Variants in PDIA3 observed in about 807,000 individuals in gnomAD.
PDIA3 encodes protein disulfide-isomerase A3.
A neutral mutation model predicts 56.9 loss-of-function variants in PDIA3; 16 were observed. The observed-to-expected ratio is 0.28, with a 90% confidence interval of 0.19 to 0.43. PDIA3 has a LOEUF of 0.43. PDIA3 is among the 20% of genes least tolerant of loss of function. The pLI, the probability that PDIA3 is intolerant of heterozygous loss-of-function variation, is 1.00. For missense variants in PDIA3, 485 were observed against 621.3 expected, an observed-to-expected ratio of 0.78 and a Z score of 2.33; for synonymous variants, 192 against 216.5, an observed-to-expected ratio of 0.89 and a Z score of 0.99.
At chr15:43,748,913 T>G (rs1197169902) in intron 1 of PDIA3, among the ~76,000 whole-genome samples, 2 of 141,144 alleles carry the variant, frequency 1.4e-5, no homozygotes, top group Admixed American at 1.4e-4. Flanking sequence ...GGATTACAGG[T>G]GCCTGCCACA....
In PDIA3 at chr15:43,769,552, A is replaced by G. The variant is rs776925435; in HGVS notation, c.1172A>G (p.Asn391Ser). The change falls in exon 10 of 13, where the codon AAT becomes AGT. Residue 391 changes from asparagine to serine, a missense_variant. Physicochemically the swap from Asn to Ser is conservative, Grantham distance 46. Transcript: ENST00000300289. ...GCAGAGAATTTTGATGAAATAGTGA[A>G]TAATGAAAATAAAGATGTGCTGATT... ...VVAENFDEIV[N>S]NENKDVLIEF... 16 of 1,612,848 alleles carry G rather than the reference A, an allele frequency of 9.9e-6. No homozygotes were observed. The highest frequency in any genetic ancestry group is 3.3e-4 in the Middle Eastern group (2 of 6,084).
Position 43,754,134 on chromosome 15 carries a change from G to A in PDIA3, c.246+232G>A, listed in dbSNP as rs138326724. ...GTAGTGGCTGGGCGCAATGGCTCAT[G>A]CCTGTAATCCCAGCACTTTGGGAGG... On this transcript the variant is annotated intron_variant, in intron 2 of 12. Transcript: ENST00000300289. Among the ~76,000 whole-genome samples the A allele has an allele frequency of 6.6e-3, 1,009 of 152,290 alleles. 18 individuals are homozygous for A. The highest frequency in any genetic ancestry group is 0.041 in the East Asian group (211 of 5,182).
intron 3 of PDIA3, among the ~76,000 whole-genome samples, chr15:43,759,394 T>C (rs534184549): frequency 3.3e-5 from 5 of 152,330 alleles, no homozygotes; most frequent in African/African-American, 1.2e-4. Flanking sequence ...GTCTATAGAT[T>C]CTTGGAAGCT....
At position 43,757,939 on chromosome 15, in the gene PDIA3, T is replaced by TA. The variant is rs902677769; in HGVS notation, c.364+1186dup. ...CATACCCATTAGGATGGCTACTATT[T>TA]AAAAAAAAAAAAACAACGAAATAGG... On this transcript the variant is annotated intron_variant, in intron 3 of 12. Coordinates refer to ENST00000300289, the MANE Select transcript of PDIA3 (RefSeq NM_005313.5). Among the ~76,000 whole-genome samples, 419 of 139,878 alleles carry TA rather than the reference T, an allele frequency of 3.0e-3. 1 individual carries two copies. Among genetic ancestry groups the TA allele is most frequent in the African/African-American group, 6.6e-3 (251 of 38,038 alleles). The allele number at this position is 139,878 out of a possible 152,430, so 91.8% of individuals were successfully genotyped here. A position where few individuals can be genotyped will look rare whatever the true frequency, so the allele number is the denominator to read the frequency against.
intron 5 of PDIA3, among the ~76,000 whole-genome samples, chr15:43,764,924 C>G (rs967134532): frequency 6.6e-6 from 1 of 152,134 alleles, no homozygotes; most frequent in African/African-American, 2.4e-5. Flanking sequence ...TTTTCTAACC[C>G]AAAATTTAGT....
intron 1 of PDIA3, chr15:43,752,871 T>C (rs570142773): frequency 1.5e-5 from 7 of 471,176 alleles, no homozygotes; most frequent in South Asian, 1.1e-4. Context: ...GATGTACAGC[T>C]GGTGCTAGCT....
rs3742980 is a variant in PDIA3 at position 43,770,124 on chromosome 15, C to T, written c.1267-126C>T. The stretch of plus-strand genomic sequence containing the variant: ...TGCTGGAATTACAGGTGCGCACCAC[C>T]ACACCCGGCTAATTTTTGTATTTTT... On this transcript the variant is annotated intron_variant, in intron 10 of 12. Transcript: ENST00000300289. The T allele has an allele frequency of 9.0e-3, 6,593 of 731,806 alleles. 131 individuals are homozygous for T. The highest frequency in any genetic ancestry group is 0.057 in the East Asian group (2,089 of 36,798). 45.3% of individuals were successfully genotyped at this position (731,806 alleles called of 1,614,324 possible). A position where few individuals can be genotyped will look rare whatever the true frequency, so the allele number is the denominator to read the frequency against.
rs747607149 is a variant in PDIA3, at chr15:43,746,568, C to T, written c.29C>T (p.Pro10Leu). Residue 10 changes from proline (P) to leucine (L), a missense_variant, in exon 1 of 13, where the codon CCG (proline) becomes CTG (leucine). Pro to Leu is a moderately conservative substitution (Grantham distance 98, BLOSUM62 -3). Coordinates refer to ENST00000300289, the MANE Select transcript of PDIA3 (RefSeq NM_005313.5). Reference sequence around the variant, plus strand: ...CGCCTCCGCCGCCTAGCGCTGTTCCCGGGTGTGGCGCTGCTTCTTGCCGCG... The same window carrying T: ...CGCCTCCGCCGCCTAGCGCTGTTCCTGGGTGTGGCGCTGCTTCTTGCCGCG... The part of the protein sequence containing the change: MRLRRLALF[P>L]GVALLLAAAR... 4 of 1,611,056 alleles carry T rather than the reference C, an allele frequency of 2.5e-6. No individual in the cohort carries two copies. The Admixed American group carries it at 5.0e-5, about 20-fold the overall frequency.
Position 43,756,714 on chromosome 15 carries a change from G to T in PDIA3, c.312G>T (p.Lys104Asn). 3 of 1,610,560 alleles carry T rather than the reference G, an allele frequency of 1.9e-6. No homozygotes were observed. The highest frequency in any genetic ancestry group is 2.5e-6 in the Non-Finnish European group (3 of 1,178,468). ...GAGTCAGTGGATATCCAACCCTGAA[G>T]ATATTTAGAGATGGTGAAGAAGCAG... Reference protein sequence around the residue: ...KYGVSGYPTLKIFRDGEEAGA... With the variant: ...KYGVSGYPTLNIFRDGEEAGA... The change falls in exon 3 of 13, where the codon AAG (lysine) becomes AAT (asparagine). Residue 104 changes from lysine to asparagine, a missense_variant. Coordinates refer to ENST00000300289, the MANE Select transcript of PDIA3 (RefSeq NM_005313.5).
chr15:43,760,574 G>A (rs111473919), intron 3 of PDIA3, among the ~76,000 whole-genome samples: 52 of 148,306 alleles, frequency 3.5e-4, no homozygotes, highest in African/African-American at 1.3e-3. Context: ...TGTCACCCAG[G>A]CTGGAGTGCA....
At chr15:43,767,229 G>T (rs2086852992) in intron 8 of PDIA3, among the ~76,000 whole-genome samples, 1 of 152,020 alleles carries the variant, frequency 6.6e-6, no homozygotes, top group Non-Finnish European at 1.5e-5. Context: ...GTGCATGCCT[G>T]CAATCCCAGC....
At chr15:43,768,684 T>C (rs941291559) in intron 9 of PDIA3, 87 bp downstream of exon 9, 6 of 853,182 alleles carry the variant, frequency 7.0e-6, no homozygotes, top group Non-Finnish European at 9.6e-6. Flanking sequence ...AATGAAGACT[T>C]CGTTGGCCAT....
chr15:43,769,155 A>G (rs1340934719), intron 9 of PDIA3, among the ~76,000 whole-genome samples: 1 of 152,130 alleles, frequency 6.6e-6, no homozygotes, highest in African/African-American at 2.4e-5. Context: ...CCCTAAGAAC[A>G]GTGTGTTGCT....
Position 43,746,534 on chromosome 15 carries a change from G to T in PDIA3, c.-6G>T, listed in dbSNP as rs767580048. On this transcript the variant is annotated 5_prime_UTR_variant, in exon 1 of 13. Transcript: ENST00000300289. The stretch of plus-strand genomic sequence containing the variant: ...CTTCCGGCCGTCCCCACCCCACCTC[G>T]CCGCCATGCGCCTCCGCCGCCTAGC... 192 of 1,591,308 alleles carry T rather than the reference G, an allele frequency of 1.2e-4. No individual in the cohort carries two copies. The highest frequency in any genetic ancestry group is 5.4e-5 in the African/African-American group (4 of 73,978).
chr15:43,748,510 T>C (rs1410751772), intron 1 of PDIA3, among the ~76,000 whole-genome samples: 2 of 152,042 alleles, frequency 1.3e-5, no homozygotes, highest in Non-Finnish European at 2.9e-5. Flanking sequence ...TTATTTGAAT[T>C]GAAGGGGGTG....
rs1435791781 is a variant in PDIA3 at position 43,772,912 on chromosome 15, G to A, written c.*1694G>A. 2 of 468,532 alleles carry A rather than the reference G, an allele frequency of 4.3e-6. No homozygotes were observed. Among genetic ancestry groups the A allele is most frequent in the East Asian group, 6.8e-5 (2 of 29,568 alleles). The allele number at this position is 468,532 out of a possible 1,614,324, so 29.0% of individuals were successfully genotyped here. On this transcript the variant is annotated 3_prime_UTR_variant, in exon 13 of 13. Coordinates refer to ENST00000300289, the MANE Select transcript of PDIA3 (RefSeq NM_005313.5). ...CACTTTTCCTAGACTCCTAGGCACA[G>A]CTATGGAGTCTTTGCACAGTGCCCA...
At position 43,771,281 on chromosome 15, in the gene PDIA3, G is replaced by C; in HGVS notation, c.*63G>C. On this transcript the variant is annotated 3_prime_UTR_variant, in exon 13 of 13. Coordinates refer to ENST00000300289, the MANE Select transcript of PDIA3 (RefSeq NM_005313.5). ...CATCAGAGATGGGAAAACCATTGGG[G>C]AGGACTAGGACCCATATGGGAATTA... is the stretch of plus-strand genomic sequence containing the variant. The C allele has an allele frequency of 1.9e-5, 19 of 1,020,996 alleles. No homozygotes were observed. In the South Asian group the frequency reaches 2.5e-4, roughly 14 times the overall value. The allele number at this position is 1,020,996 out of a possible 1,614,324, so 63.2% of individuals were successfully genotyped here.
intron 2 of PDIA3, among the ~76,000 whole-genome samples, chr15:43,755,100 C>T (rs1567155987): frequency 6.6e-6 from 1 of 151,814 alleles, no homozygotes; most frequent in Admixed American, 6.6e-5. Context: ...CTGAGGAGGG[C>T]GGATCACCTG....
At chr15:43,768,890 G>C (rs2086864869) in intron 9 of PDIA3, among the ~76,000 whole-genome samples, 1 of 152,104 alleles carries the variant, frequency 6.6e-6, no homozygotes, top group Non-Finnish European at 1.5e-5. Flanking sequence ...CGGGCATGGT[G>C]GCGGGCGCCT....
Sources: allele counts gnomAD v4.1 joint callset (sites outside exome capture counted in the v4.1 genomes callset), GRCh38; gene constraint gnomAD v4.1.1; transcripts MANE v1.5; gene names NCBI Gene and HGNC (gene_info 2026-07-23, HGNC 2026-07-21).